VIPR2: variants seen among roughly 807,000 people sequenced by gnomAD.
VIPR2 encodes the protein vasoactive intestinal polypeptide receptor 2.
A neutral mutation model predicts 58.0 loss-of-function variants in VIPR2; 48 were observed. The observed-to-expected ratio is 0.83, with a 90% CI of 0.66 to 1.05. VIPR2 has a LOEUF of 1.05. VIPR2 is among the 50% of genes least tolerant of loss of function. The probability of loss-of-function intolerance (pLI) is 0.00; values close to 1 mark genes in which losing one functional copy is unlikely to be tolerated. For synonymous variants in VIPR2, 243 were observed against 235.2 expected, an observed-to-expected ratio of 1.03 and a Z score of -0.30; for missense variants, 534 against 558.0, an observed-to-expected ratio of 0.96 and a Z score of 0.43.
At chr7:159,074,297 GA>G (rs1217860848) in intron 4 of VIPR2, among the ~76,000 whole-genome samples, 1 of 152,208 alleles carries the variant, frequency 6.6e-6, no homozygotes, top group Non-Finnish European at 1.5e-5. Context: ...CCAAGCAACA[GA>G]AGAGAAATCC....
intron 3 of VIPR2, among the ~76,000 whole-genome samples, chr7:159,105,808 G>A (rs1858609772): frequency 6.6e-6 from 1 of 152,182 alleles, no homozygotes; most frequent in Admixed American, 6.5e-5. Context: ...AAGGAGACAG[G>A]TCCACAAAGA....
intron 4 of VIPR2, among the ~76,000 whole-genome samples, chr7:159,087,286 A>C (rs1174956089): frequency 7.5e-6 from 1 of 133,964 alleles, no homozygotes; most frequent in African/African-American, 2.9e-5. Flanking sequence ...TCTGATAGTG[A>C]GATACAGCTT....
At chr7:159,087,511 T>C (rs1173865138) in intron 4 of VIPR2, among the ~76,000 whole-genome samples, 1 of 126,148 alleles carries the variant, frequency 7.9e-6, no homozygotes, top group Non-Finnish European at 1.7e-5. Context: ...AGGACTCAGA[T>C]AGTGAGATAC....
chr7:159,061,802 T>G (rs1281260593), intron 4 of VIPR2, among the ~76,000 whole-genome samples: 1 of 152,116 alleles, frequency 6.6e-6, no homozygotes, highest in Non-Finnish European at 1.5e-5. Flanking sequence ...GATCTCACGC[T>G]CAGCGGGAGG....
intron 4 of VIPR2, among the ~76,000 whole-genome samples, chr7:159,061,520 G>C (rs1484203946): frequency 6.6e-6 from 1 of 151,944 alleles, no homozygotes; most frequent in African/African-American, 2.4e-5. Context: ...GGGTGTGGCT[G>C]TGTGTGCCTG....
At chr7:159,082,293 T>C (rs2129494931) in intron 4 of VIPR2, among the ~76,000 whole-genome samples, 1 of 152,270 alleles carries the variant, frequency 6.6e-6, no homozygotes, top group East Asian at 1.9e-4. Context: ...CCATAAAAAA[T>C]GATGAGTTCA....
rs752596589 is a variant in VIPR2 at position 159,030,817 on chromosome 7, C to T, written c.1144-28G>A. On this transcript the variant is annotated intron_variant, in intron 12 of 12. Coordinates refer to ENST00000262178, the MANE Select transcript of VIPR2 (RefSeq NM_003382.5). Reference sequence around the variant, plus strand: ...GGGAGGTGAGGGCAGCGGGAACGCCCGTGAGCCTGGGCAGGTGCGGGCGGC... The same window carrying T: ...GGGAGGTGAGGGCAGCGGGAACGCCTGTGAGCCTGGGCAGGTGCGGGCGGC... 1.4e-5 allele frequency: 21 copies of T among 1,531,598 alleles called. No individual in the cohort carries two copies. In the East Asian group the frequency reaches 4.5e-4, roughly 33 times the overall value. The allele number at this position is 1,531,598 out of a possible 1,614,324, so 94.9% of individuals were successfully genotyped here.
chr7:159,121,845 T>C (rs1796466814), intron 2 of VIPR2, among the ~76,000 whole-genome samples: 1 of 152,244 alleles, frequency 6.6e-6, no homozygotes, highest in Non-Finnish European at 1.5e-5. Context: ...AAAGGAATTG[T>C]GGTTCTTTCC....
chr7:159,116,052 C>T (rs1002469522), intron 2 of VIPR2, among the ~76,000 whole-genome samples: 8 of 152,314 alleles, frequency 5.3e-5, no homozygotes, highest in Middle Eastern at 3.4e-3. Flanking sequence ...TATGTGGCCC[C>T]GTGACCTGTG....
chr7:159,034,114 G>T, intron 10 of VIPR2, 99 bp downstream of exon 10: 1 of 1,181,606 alleles, frequency 8.5e-7, no homozygotes. Flanking sequence ...TGGCGGAGGC[G>T]GAGTCGCCGC....
intron 2 of VIPR2, among the ~76,000 whole-genome samples, chr7:159,113,436 G>A (rs180925458): frequency 2.6e-5 from 4 of 152,030 alleles, no homozygotes; most frequent in African/African-American, 4.8e-5. Flanking sequence ...TGACAAGCTC[G>A]GATTTTAAGA....
chr7:159,101,226 C>G (rs576337925), intron 4 of VIPR2, among the ~76,000 whole-genome samples: 1 of 144,482 alleles, frequency 6.9e-6, no homozygotes, highest in African/African-American at 2.6e-5. Context: ...GCCGTTCCCC[C>G]GACTGTTCCT....
intron 2 of VIPR2, among the ~76,000 whole-genome samples, chr7:159,118,070 CG>C (rs1384378165): frequency 4.6e-5 from 7 of 152,184 alleles, no homozygotes; most frequent in African/African-American, 1.7e-4. Context: ...TCAGAGAGGC[CG>C]GGGGCGTCCC....
At position 159,144,783 on chromosome 7, in the gene VIPR2, C is replaced by G. The variant is rs931644261; in HGVS notation, c.-12G>C. On this transcript the variant is annotated 5_prime_UTR_variant, in exon 1 of 13. Coordinates refer to ENST00000262178, the MANE Select transcript of VIPR2 (RefSeq NM_003382.5). Reference sequence around the variant, plus strand: ...AGCAGCGTCCGCATCCCGAGCTCAGCGTGCCGGGGGCCGCCCAGCGCCCGC... The same window carrying G: ...AGCAGCGTCCGCATCCCGAGCTCAGGGTGCCGGGGGCCGCCCAGCGCCCGC... 2 of 1,245,954 alleles carry G rather than the reference C, an allele frequency of 1.6e-6. No homozygotes were observed. The highest frequency in any genetic ancestry group is 2.0e-6 in the Non-Finnish European group (2 of 996,528). 77.2% of individuals were successfully genotyped at this position (1,245,954 alleles called of 1,614,324 possible). A position where few individuals can be genotyped will look rare whatever the true frequency, so the allele number is the denominator to read the frequency against.
At chr7:159,122,228 G>A (rs1196097096) in intron 2 of VIPR2, among the ~76,000 whole-genome samples, 3 of 152,208 alleles carry the variant, frequency 2.0e-5, no homozygotes, top group Admixed American at 6.5e-5. Context: ...GTCCCCAGAC[G>A]TCTTCCTCCC....
At chr7:159,082,428 A>G (rs1856953912) in intron 4 of VIPR2, among the ~76,000 whole-genome samples, 1 of 152,162 alleles carries the variant, frequency 6.6e-6, no homozygotes, top group Admixed American at 6.5e-5. Flanking sequence ...GAACACATGG[A>G]CACAGGAAGG....
intron 2 of VIPR2, among the ~76,000 whole-genome samples, chr7:159,115,263 A>G (rs2129496559): frequency 6.6e-6 from 1 of 152,372 alleles, no homozygotes; most frequent in Middle Eastern, 3.4e-3. Flanking sequence ...CAAATGCAAC[A>G]TAAACCCAGC....
intron 2 of VIPR2, among the ~76,000 whole-genome samples, chr7:159,122,844 T>A (rs1441747213): frequency 6.6e-6 from 1 of 152,150 alleles, no homozygotes; most frequent in East Asian, 1.9e-4. Flanking sequence ...AAATCTTTTT[T>A]TTAACTTTTA....
chr7:159,059,620 T>C (rs560037819), intron 4 of VIPR2, among the ~76,000 whole-genome samples: 1 of 152,300 alleles, frequency 6.6e-6, no homozygotes, highest in East Asian at 1.9e-4. Flanking sequence ...CCTGCTTACT[T>C]AGGACAGCTC....
Sources: allele counts gnomAD v4.1 joint callset (sites outside exome capture counted in the v4.1 genomes callset), GRCh38; gene constraint gnomAD v4.1.1; transcripts MANE v1.5; gene names NCBI Gene and HGNC (gene_info 2026-07-23, HGNC 2026-07-21).